STIM1: variants seen among roughly 807,000 people sequenced by gnomAD.
STIM1 encodes stromal interaction molecule 1.
Under a neutral mutation model 74.7 loss-of-function variants are expected in STIM1, and 25 were observed. The observed-to-expected ratio is 0.33, with a 90% CI of 0.24 to 0.47. STIM1 has a LOEUF of 0.47. STIM1 is among the 20% of genes least tolerant of loss of function. The probability of loss-of-function intolerance (pLI) is 1.00; values close to 1 mark genes in which losing one functional copy is unlikely to be tolerated. For synonymous variants in STIM1, 328 were observed against 348.8 expected (o/e 0.94, Z 0.66); for missense variants, 728 against 920.8 (o/e 0.79, Z 2.71).
At chr11:4,023,767 G>A in intron 2 of STIM1, 106 bp from the exon 3 acceptor site, 1 of 770,186 alleles carries the variant, frequency 1.3e-6, no homozygotes, top group Admixed American at 2.0e-5. Flanking sequence ...TGTATGTTGG[G>A]TAGATGGAAT....
chr11:3,941,673 T>TAGAGAGAGAG (rs1554959602), intron 1 of STIM1, among the ~76,000 whole-genome samples: 4,565 of 90,470 alleles, frequency 0.05, 144 homozygotes, highest in Middle Eastern at 0.12. Context: ...TATATATATA[T>TAGAGAGAGAG]AGAGAGAGAG....
chr11:3,872,138 C>T (rs966942978), intron 1 of STIM1, among the ~76,000 whole-genome samples: 6 of 150,514 alleles, frequency 4.0e-5, no homozygotes, highest in African/African-American at 1.2e-4. Flanking sequence ...TTGCAACCTC[C>T]GCCTCCTGGG....
intron 1 of STIM1, among the ~76,000 whole-genome samples, chr11:3,926,244 C>A (rs1428573623): frequency 1.3e-5 from 2 of 152,116 alleles, no homozygotes; most frequent in Non-Finnish European, 2.9e-5. Flanking sequence ...ACTGCAGATA[C>A]TGATGTTCTT....
At chr11:3,863,186 G>T (rs1216112238) in intron 1 of STIM1, among the ~76,000 whole-genome samples, 1 of 151,636 alleles carries the variant, frequency 6.6e-6, no homozygotes, top group East Asian at 1.9e-4. Context: ...GAGCCACCAC[G>T]CCTGGCCACA....
At chr11:4,002,219 G>C (rs2093725126) in intron 2 of STIM1, among the ~76,000 whole-genome samples, 1 of 150,818 alleles carries the variant, frequency 6.6e-6, no homozygotes, top group Non-Finnish European at 1.5e-5. Flanking sequence ...ATTGAACTCA[G>C]CTCTGCACCA....
In STIM1 at chr11:3,877,811, A is replaced by G. The variant is rs1210684785; in HGVS notation, c.139+21402A>G. On this transcript the variant is annotated intron_variant, in intron 1 of 12. Coordinates refer to ENST00000526596, the MANE Select transcript of STIM1 (RefSeq NM_001382567.1). ...AGTAGGATTTATCTGTCTCCCAGCA[A>G]GGGTGCCCAGGACCTCTCCTTTTAT... 2.6e-5 allele frequency among the ~76,000 whole-genome samples: 4 copies of G among 152,178 alleles called. No individual in the cohort carries two copies. The East Asian group carries it at 7.7e-4, about 29-fold the overall frequency.
At position 4,086,556 on chromosome 11, in the gene STIM1, C is replaced by T. The variant is rs370452244; in HGVS notation, c.1634+13C>T. 11 of 1,613,752 alleles carry T rather than the reference C, an allele frequency of 6.8e-6. No individual in the cohort carries two copies. Among genetic ancestry groups the T allele is most frequent in the South Asian group, 3.3e-5 (3 of 91,018 alleles). On this transcript the variant is annotated intron_variant, in intron 12 of 12. Transcript: ENST00000526596. ...TGGGATCTCAGAGGTTGGTAGAGGG[C>T]GAGGCTGGCCACTTCTTGACAAGCC...
At chr11:3,952,575 A>T (rs765154550) in intron 1 of STIM1, among the ~76,000 whole-genome samples, 1 of 152,154 alleles carries the variant, frequency 6.6e-6, no homozygotes, top group African/African-American at 2.4e-5. Flanking sequence ...GAATTCAAAG[A>T]CCCATATTTG....
intron 2 of STIM1, among the ~76,000 whole-genome samples, chr11:3,991,931 C>T (rs1230541694): frequency 2.5e-5 from 2 of 79,402 alleles, no homozygotes; most frequent in African/African-American, 5.0e-5. Context: ...GCCTGGGCAA[C>T]AAGAGTGAAA....
chr11:4,032,147 G>A (rs7116520), intron 3 of STIM1, among the ~76,000 whole-genome samples: 85,499 of 152,028 alleles, frequency 0.56, 26,355 homozygotes, highest in African/African-American at 0.83. Flanking sequence ...TCTTCATTGC[G>A]TTGCCACACC....
In STIM1 at chr11:4,087,885, G is replaced by A. The variant is rs143139405; in HGVS notation, c.1634+1342G>A. Among the ~76,000 whole-genome samples, 291 of 151,078 alleles carry A rather than the reference G, an allele frequency of 1.9e-3. 1 individual carries two copies. The highest frequency in any genetic ancestry group is 6.6e-3 in the African/African-American group (271 of 41,098). On this transcript the variant is annotated intron_variant, in intron 12 of 12. Transcript: ENST00000526596. ...CATGGAATTCGGGAACCAAGATAGC[G>A]GACATAGGTTTTGGGGTTTTGGACA...
chr11:3,885,541 A>G (rs1483349112), intron 1 of STIM1, among the ~76,000 whole-genome samples: 6 of 152,200 alleles, frequency 3.9e-5, no homozygotes, highest in Non-Finnish European at 5.9e-5. Flanking sequence ...ATTGTAGATA[A>G]TTATAATTTT....
chr11:3,992,921 A>C (rs1475716745), intron 2 of STIM1, among the ~76,000 whole-genome samples: 1 of 152,234 alleles, frequency 6.6e-6, no homozygotes. Context: ...CTATTGGTAA[A>C]TCCTGTGGGT....
intron 6 of STIM1, among the ~76,000 whole-genome samples, chr11:4,071,110 T>C (rs879709719): frequency 6.6e-6 from 1 of 152,168 alleles, no homozygotes; most frequent in African/African-American, 2.4e-5. Flanking sequence ...GTTGAGTGTA[T>C]AGGGTGGGGT....
intron 3 of STIM1, among the ~76,000 whole-genome samples, chr11:4,030,291 C>T (rs900672040): frequency 1.1e-4 from 16 of 148,098 alleles, no homozygotes; most frequent in Non-Finnish European, 1.9e-4. Flanking sequence ...ATCGCAACTT[C>T]ACTCCAGCCT....
intron 2 of STIM1, among the ~76,000 whole-genome samples, chr11:3,973,573 T>C (rs990623635): frequency 2.0e-5 from 3 of 152,096 alleles, no homozygotes; most frequent in Non-Finnish European, 4.4e-5. Flanking sequence ...CTAATTTTTG[T>C]ATTTTTTGTA....
At chr11:3,857,493 T>A (rs1268142289) in intron 1 of STIM1, among the ~76,000 whole-genome samples, 1 of 151,986 alleles carries the variant, frequency 6.6e-6, no homozygotes, top group East Asian at 1.9e-4. Flanking sequence ...CCTCCCAAAG[T>A]GCTGGGATTA....
intron 2 of STIM1, among the ~76,000 whole-genome samples, chr11:4,022,585 C>G (rs1300333598): frequency 6.6e-6 from 1 of 152,078 alleles, no homozygotes; most frequent in Non-Finnish European, 1.5e-5. Flanking sequence ...TTTCCCTGTT[C>G]AATATATTAG....
At chr11:4,055,087 C>A (rs2094277852) in intron 3 of STIM1, among the ~76,000 whole-genome samples, 1 of 152,152 alleles carries the variant, frequency 6.6e-6, no homozygotes, top group African/African-American at 2.4e-5. Flanking sequence ...TGATTCTCAA[C>A]CCTGGTCACA....
Sources: allele counts gnomAD v4.1 joint callset (sites outside exome capture counted in the v4.1 genomes callset), GRCh38; gene constraint gnomAD v4.1.1; transcripts MANE v1.5; gene names NCBI Gene and HGNC (gene_info 2026-07-23, HGNC 2026-07-21).